The following NELL1 variants were observed in gnomAD, a reference collection of about 807,000 sequenced individuals.
The protein encoded by NELL1 is protein kinase C-binding protein NELL1.
A neutral mutation model predicts 107.4 loss-of-function variants in NELL1; 76 were observed. The observed-to-expected ratio is 0.71, with a 90% CI of 0.59 to 0.86. The LOEUF is 0.86. NELL1 is among the 40% of genes least tolerant of loss of function. The pLI is 0.00. For synonymous variants in NELL1, 353 were observed against 341.2 expected, an observed-to-expected ratio of 1.03 and a Z score of -0.38; for missense variants, 1,024 against 1,005.5, an observed-to-expected ratio of 1.02 and a Z score of -0.25.
intron 13 of NELL1, among the ~76,000 whole-genome samples, chr11:21,161,971 G>A (rs1030313456): frequency 1.2e-3 from 28 of 24,012 alleles, no homozygotes; most frequent in African/African-American, 5.6e-3. Flanking sequence ...TTTTTTTTGA[G>A]ACAGAGTCTT....
chr11:20,685,503 C>A (rs1854286830), intron 2 of NELL1, among the ~76,000 whole-genome samples: 1 of 152,010 alleles, frequency 6.6e-6, no homozygotes, highest in Non-Finnish European at 1.5e-5. Context: ...AAATCCTGTA[C>A]TTTAAGGTTA....
At chr11:21,124,677 C>T (rs2133747760) in intron 13 of NELL1, among the ~76,000 whole-genome samples, 1 of 151,810 alleles carries the variant, frequency 6.6e-6, no homozygotes. Context: ...TCTCGGCTCA[C>T]TGCAACCTCC....
rs908099186 is a variant in NELL1, at chr11:20,928,477, G to A, written c.995G>A (p.Arg332Gln). The A allele has an allele frequency of 2.9e-5, 47 of 1,612,326 alleles. No individual in the cohort carries two copies. Among genetic ancestry groups the A allele is most frequent in the Admixed American group, 6.7e-5 (4 of 60,002 alleles). The change falls in exon 9 of 20, where the codon CGA becomes CAA. Residue 332 changes from arginine (R) to glutamine (Q), a missense_variant and splice_region_variant. Physicochemically the swap from Arg to Gln is conservative, Grantham distance 43. Coordinates refer to ENST00000357134, the MANE Select transcript of NELL1 (RefSeq NM_006157.5). Reference protein sequence around the residue: ...HIAGQCCKVCRPKCIYGGKVL... With the variant: ...HIAGQCCKVCQPKCIYGGKVL... ...GCTGGCCAGTGCTGTAAGGTCTGCC[G>A]ACGTAAGTACTGACTGAGGGTCAGA...
intron 5 of NELL1, among the ~76,000 whole-genome samples, chr11:20,900,592 G>A (rs952817117): frequency 4.6e-5 from 7 of 152,158 alleles, no homozygotes; most frequent in African/African-American, 1.7e-4. Flanking sequence ...GAGAATAAAT[G>A]AGAATACCAC....
rs1469392418 is a variant in NELL1 at position 21,302,980 on chromosome 11, G to C, written c.1550-67873G>C. Among the ~76,000 whole-genome samples, 3 of 151,854 alleles carry C rather than the reference G, an allele frequency of 2.0e-5. No homozygotes were observed. In the East Asian group the frequency reaches 5.8e-4, roughly 30 times the overall value. On this transcript the variant is annotated intron_variant, in intron 14 of 19. Coordinates refer to ENST00000357134, the MANE Select transcript of NELL1 (RefSeq NM_006157.5). ...AGAGACTGAAGCGGGAGGATCACTG[G>C]GGCCCTGGTATTTGAGAATAGAGCA...
chr11:20,756,800 A>G (rs1424162042), intron 2 of NELL1, among the ~76,000 whole-genome samples: 1 of 152,008 alleles, frequency 6.6e-6, no homozygotes, highest in Admixed American at 6.6e-5. Flanking sequence ...TCCCTGAGAG[A>G]GGGGGGAAAT....
chr11:20,938,751 C>G (rs1013373559), intron 10 of NELL1, among the ~76,000 whole-genome samples: 2 of 152,048 alleles, frequency 1.3e-5, no homozygotes, highest in Admixed American at 1.3e-4. Flanking sequence ...TACTTAGGGA[C>G]CTGCAAATAA....
chr11:21,563,123 A>G (rs1328716658), intron 17 of NELL1, among the ~76,000 whole-genome samples: 1 of 152,050 alleles, frequency 6.6e-6, no homozygotes, highest in Admixed American at 6.6e-5. Flanking sequence ...GACCACAGGA[A>G]CCCAGATGAA....
chr11:20,767,774 A>T (rs1519734), intron 2 of NELL1, among the ~76,000 whole-genome samples: 6 of 152,026 alleles, frequency 3.9e-5, no homozygotes, highest in Admixed American at 2.6e-4. Flanking sequence ...TTTATTGCAC[A>T]TCATGTGACA....
chr11:21,065,203 A>G (rs558757719), intron 12 of NELL1, among the ~76,000 whole-genome samples: 18 of 152,280 alleles, frequency 1.2e-4, no homozygotes, highest in South Asian at 1.0e-3. Flanking sequence ...GAGAACAGTT[A>G]GAAAGCTGTG....
At chr11:21,356,174 A>G (rs879523384) in intron 14 of NELL1, among the ~76,000 whole-genome samples, 1 of 152,162 alleles carries the variant, frequency 6.6e-6, no homozygotes, top group African/African-American at 2.4e-5. Context: ...CCATAAGAAT[A>G]TAAACATTTA....
At chr11:21,126,252 C>G (rs1283966286) in intron 13 of NELL1, among the ~76,000 whole-genome samples, 1 of 152,014 alleles carries the variant, frequency 6.6e-6, no homozygotes, top group African/African-American at 2.4e-5. Context: ...CTTTAAAATG[C>G]GAATGCAGAC....
chr11:20,758,414 C>T (rs1339002516), intron 2 of NELL1, among the ~76,000 whole-genome samples: 1 of 152,322 alleles, frequency 6.6e-6, no homozygotes, highest in Non-Finnish European at 1.5e-5. Context: ...TCATCTTCCA[C>T]TACATCACGC....
chr11:20,762,480 C>T (rs1329172768), intron 2 of NELL1, among the ~76,000 whole-genome samples: 2 of 152,086 alleles, frequency 1.3e-5, no homozygotes, highest in Non-Finnish European at 2.9e-5. Flanking sequence ...ATAATTAGGG[C>T]ATAAAAAAGA....
At chr11:21,549,054 C>A (rs1856512717) in intron 16 of NELL1, among the ~76,000 whole-genome samples, 1 of 151,672 alleles carries the variant, frequency 6.6e-6, no homozygotes, top group Admixed American at 6.6e-5. Context: ...TATAAAACTT[C>A]AAATATATTC....
chr11:21,150,450 G>A (rs1437164673), intron 13 of NELL1, among the ~76,000 whole-genome samples: 2 of 152,180 alleles, frequency 1.3e-5, no homozygotes, highest in African/African-American at 4.8e-5. Flanking sequence ...CCTTGGCCAA[G>A]TTCTCATTAA....
At chr11:21,358,438 C>T (rs1222221217) in intron 14 of NELL1, among the ~76,000 whole-genome samples, 1 of 151,896 alleles carries the variant, frequency 6.6e-6, no homozygotes, top group Non-Finnish European at 1.5e-5. Context: ...CTTGCACTGT[C>T]TCCCAGGCTG....
chr11:20,825,110 A>G (rs1385364189), intron 3 of NELL1, among the ~76,000 whole-genome samples: 1 of 151,444 alleles, frequency 6.6e-6, no homozygotes, highest in East Asian at 1.9e-4. Context: ...GTAGGTCCAC[A>G]GAGGTCAAAA....
At chr11:21,155,877 T>C (rs2133792609) in intron 13 of NELL1, among the ~76,000 whole-genome samples, 1 of 152,244 alleles carries the variant, frequency 6.6e-6, no homozygotes, top group East Asian at 1.9e-4. Flanking sequence ...TACCTTTAGG[T>C]GAAGACAAGA....
Sources: allele counts gnomAD v4.1 joint callset (sites outside exome capture counted in the v4.1 genomes callset), GRCh38; gene constraint gnomAD v4.1.1; transcripts MANE v1.5; gene names NCBI Gene and HGNC (gene_info 2026-07-23, HGNC 2026-07-21).